The following SPAG16 variants were observed in gnomAD, a reference collection of about 807,000 sequenced individuals.
SPAG16 encodes sperm associated antigen 16.
In SPAG16, 86 loss-of-function variants were observed where a neutral mutation model predicts 80.4. That is an observed-to-expected ratio of 1.07 (90% CI 0.90 to 1.28). The LOEUF (loss-of-function observed/expected upper bound fraction) is 1.28, where lower values mean the gene tolerates loss of function less well. SPAG16 is among the 50% of genes most tolerant of loss of function. The pLI, the probability that SPAG16 is intolerant of heterozygous loss-of-function variation, is 0.00. For synonymous variants in SPAG16, 294 were observed against 265.9 expected (o/e 1.11, Z -1.03); for missense variants, 870 against 765.3 (o/e 1.14, Z -1.61).
chr2:213,909,526 G>GAGAT (rs977812753), intron 11 of SPAG16, among the ~76,000 whole-genome samples: 34 of 152,024 alleles, frequency 2.2e-4, no homozygotes, highest in African/African-American at 7.7e-4. Flanking sequence ...TATCAAAACA[G>GAGAT]AGACATAGAT....
At chr2:213,833,494 A>ATATTATATATAAT (rs1559506049) in intron 10 of SPAG16, among the ~76,000 whole-genome samples, 1 of 1,446 alleles carries the variant, frequency 6.9e-4, no homozygotes, top group African/African-American at 9.2e-4. Context: ...TATTATATAT[A>ATATTATATATAAT]ATATATATAT....
intron 13 of SPAG16, among the ~76,000 whole-genome samples, chr2:214,034,590 C>T (rs1372308048): frequency 6.6e-6 from 1 of 152,242 alleles, no homozygotes; most frequent in African/African-American, 2.4e-5. Context: ...TGTGCATAGC[C>T]AGGCACGCTG....
At chr2:213,604,792 T>C (rs1003186032) in intron 10 of SPAG16, among the ~76,000 whole-genome samples, 2 of 151,830 alleles carry the variant, frequency 1.3e-5, no homozygotes, top group Non-Finnish European at 2.9e-5. Context: ...CTTCATTTGC[T>C]TCAAGAAAAA....
intron 10 of SPAG16, among the ~76,000 whole-genome samples, chr2:213,611,100 A>G (rs773279023): frequency 6.6e-6 from 1 of 152,174 alleles, no homozygotes; most frequent in Non-Finnish European, 1.5e-5. Context: ...TGACAACCTC[A>G]TGATGATAGA....
At chr2:213,718,001 T>G (rs2066313038) in intron 10 of SPAG16, among the ~76,000 whole-genome samples, 1 of 151,714 alleles carries the variant, frequency 6.6e-6, no homozygotes, top group Non-Finnish European at 1.5e-5. Context: ...ACAAATGGGA[T>G]CTAATTAAAC....
chr2:213,384,137 A>T (rs1164600585), intron 9 of SPAG16, among the ~76,000 whole-genome samples: 1 of 152,180 alleles, frequency 6.6e-6, no homozygotes, highest in Non-Finnish European at 1.5e-5. Context: ...ATTATATGGA[A>T]ATATGATGAG....
At chr2:213,465,739 G>A (rs888120529) in intron 9 of SPAG16, among the ~76,000 whole-genome samples, 1 of 152,152 alleles carries the variant, frequency 6.6e-6, no homozygotes, top group African/African-American at 2.4e-5. Flanking sequence ...CGCTGCAACT[G>A]CCCAGAGGCA....
At chr2:213,868,249 A>ATT (rs72309764) in intron 11 of SPAG16, among the ~76,000 whole-genome samples, 1 of 151,368 alleles carries the variant, frequency 6.6e-6, no homozygotes, top group Admixed American at 6.6e-5. Context: ...AAAAATGAGA[A>ATT]TTTTTTTTTT....
intron 10 of SPAG16, among the ~76,000 whole-genome samples, chr2:213,608,584 T>G (rs1463967805): frequency 6.6e-6 from 1 of 152,248 alleles, no homozygotes; most frequent in Non-Finnish European, 1.5e-5. Context: ...TGTTGGACAT[T>G]TGGGTTGGTT....
At chr2:213,727,007 C>A (rs981425720) in intron 10 of SPAG16, among the ~76,000 whole-genome samples, 6 of 152,154 alleles carry the variant, frequency 3.9e-5, no homozygotes, top group African/African-American at 1.2e-4. Flanking sequence ...TGCATTCAAT[C>A]TTGATATGAA....
chr2:213,559,587 C>T (rs997260913), intron 10 of SPAG16, among the ~76,000 whole-genome samples: 2 of 152,044 alleles, frequency 1.3e-5, no homozygotes, highest in Non-Finnish European at 2.9e-5. Context: ...TCTCAATATA[C>T]TTGTAAAATT....
At chr2:213,320,843 C>T (rs2063581817) in intron 5 of SPAG16, among the ~76,000 whole-genome samples, 1 of 151,968 alleles carries the variant, frequency 6.6e-6, no homozygotes, top group Non-Finnish European at 1.5e-5. Context: ...GTTGATTCCA[C>T]ATTCTTGGCT....
At chr2:213,363,510 C>T (rs1056061588) in intron 7 of SPAG16, among the ~76,000 whole-genome samples, 1 of 151,980 alleles carries the variant, frequency 6.6e-6, no homozygotes. Context: ...GATGAAATAG[C>T]TTTTCAAGGT....
In SPAG16 at chr2:214,164,450, G is replaced by T. The variant is rs549805994; in HGVS notation, c.1720+15184G>T. On this transcript the variant is annotated intron_variant, in intron 15 of 15. Coordinates refer to ENST00000331683, the MANE Select transcript of SPAG16 (RefSeq NM_024532.5). Reference sequence around the variant, plus strand: ...GGTTATCAGCAGGAAGAGCATTCCAGAAAAAAAACAGCAGTGCAAAAGATT... The same window carrying T: ...GGTTATCAGCAGGAAGAGCATTCCATAAAAAAAACAGCAGTGCAAAAGATT... Among the ~76,000 whole-genome samples, 6 of 151,638 alleles carry T rather than the reference G, an allele frequency of 4.0e-5. 1 individual carries two copies. Among genetic ancestry groups the T allele is most frequent in the African/African-American group, 1.4e-4 (6 of 41,444 alleles).
At chr2:214,102,082 A>AATAATAAAGC (rs1335951259) in intron 13 of SPAG16, among the ~76,000 whole-genome samples, 15 of 151,276 alleles carry the variant, frequency 9.9e-5, no homozygotes, top group Non-Finnish European at 7.4e-5. Context: ...CTATTTGTCC[A>AATAATAAAGC]ATAATAAAGC....
chr2:213,680,951 A>G (rs1373808061), intron 10 of SPAG16, among the ~76,000 whole-genome samples: 1 of 152,234 alleles, frequency 6.6e-6, no homozygotes, highest in African/African-American at 2.4e-5. Context: ...CTGAAGAACT[A>G]GGATCAATGG....
chr2:213,510,303 G>T (rs1158726234), intron 10 of SPAG16, among the ~76,000 whole-genome samples: 1 of 152,084 alleles, frequency 6.6e-6, no homozygotes, highest in Non-Finnish European at 1.5e-5. Context: ...AGTTTGGTAT[G>T]ATTTTAATAT....
intron 10 of SPAG16, among the ~76,000 whole-genome samples, chr2:213,742,103 A>G (rs1434931824): frequency 6.7e-6 from 1 of 149,738 alleles, no homozygotes; most frequent in Non-Finnish European, 1.5e-5. Flanking sequence ...TAAATCTGCC[A>G]TCTGGTTTTG....
chr2:214,325,757 G>A (rs1219321072), intron 15 of SPAG16, among the ~76,000 whole-genome samples: 1 of 151,114 alleles, frequency 6.6e-6, no homozygotes, highest in Non-Finnish European at 1.5e-5. Context: ...AGTTACAGAT[G>A]AAGCATAGTA....
Sources: allele counts gnomAD v4.1 joint callset (sites outside exome capture counted in the v4.1 genomes callset), GRCh38; gene constraint gnomAD v4.1.1; transcripts MANE v1.5; gene names NCBI Gene and HGNC (gene_info 2026-07-23, HGNC 2026-07-21).